The following AHCYL2 variants were observed in gnomAD, a reference collection of about 807,000 sequenced individuals.
AHCYL2 encodes adenosylhomocysteinase like 2.
In AHCYL2, 28 loss-of-function variants were observed where a neutral mutation model predicts 81.4. The observed-to-expected ratio is 0.34, with a 90% confidence interval of 0.25 to 0.47. The LOEUF is 0.47. Among genes scored for constraint, AHCYL2 ranks in the 20% least tolerant of loss-of-function variants. The pLI is 1.00. For synonymous variants in AHCYL2, 272 were observed against 290.2 expected, an observed-to-expected ratio of 0.94 and a Z score of 0.64; for missense variants, 551 against 785.1, an observed-to-expected ratio of 0.70 and a Z score of 3.56.
At chr7:129,248,620 A>ATTTTTTTTTTTTTTTTTTT in intron 1 of AHCYL2, among the ~76,000 whole-genome samples, 1 of 100,792 alleles carries the variant, frequency 9.9e-6, no homozygotes, top group South Asian at 2.9e-4. Context: ...CCTGGATACT[A>ATTTTTTTTTTTTTTTTTTT]TTTTTTTTTT....
intron 1 of AHCYL2, among the ~76,000 whole-genome samples, chr7:129,342,619 G>A (rs1397736503): frequency 1.3e-5 from 2 of 152,146 alleles, no homozygotes; most frequent in Non-Finnish European, 2.9e-5. Context: ...TGTTCTAAAC[G>A]CAGTATTATT....
chr7:129,426,962 C>T lies in AHCYL2; in HGVS notation c.1830-77C>T. The T allele has an allele frequency of 6.8e-7, 1 of 1,476,330 alleles. No homozygotes were observed. The highest frequency in any genetic ancestry group is 9.4e-7 in the Non-Finnish European group (1 of 1,058,978). The allele number at this position is 1,476,330 out of a possible 1,614,324, so 91.5% of individuals were successfully genotyped here. ...AAAAGTCTCTGCCTCCCTGTTACAC[C>T]TTTAGGCAGGCTCTTCATGTCCCAG... On this transcript the variant is annotated intron_variant, in intron 16 of 16. Transcript: ENST00000325006. This position sits in a 1 kb window ranked among gnomAD's most constrained non-coding sequence, Gnocchi z 4.3.
Position 129,321,789 on chromosome 7 carries a change from T to G in AHCYL2, c.364-57849T>G, listed in dbSNP as rs373697174. Among the ~76,000 whole-genome samples the G allele has an allele frequency of 5.3e-3, 802 of 150,004 alleles. 5 individuals are homozygous for G. The Middle Eastern group carries it at 0.058, about 11-fold the overall frequency. On this transcript the variant is annotated intron_variant, in intron 1 of 16. Transcript: ENST00000325006. ...TGGTCTTGGTTTTGTTTTTGTTTTTTTTTTCAGACGGAGTCTCACTCTGTT... is the reference window on the plus strand; with the variant it reads ...TGGTCTTGGTTTTGTTTTTGTTTTTGTTTTCAGACGGAGTCTCACTCTGTT...
chr7:129,335,201 T>C (rs577305420), intron 1 of AHCYL2, among the ~76,000 whole-genome samples: 1 of 152,016 alleles, frequency 6.6e-6, no homozygotes, highest in African/African-American at 2.4e-5. Flanking sequence ...ACTCTGTCTC[T>C]ACAAAAAATA....
At chr7:129,307,267 G>T (rs908806261) in intron 1 of AHCYL2, among the ~76,000 whole-genome samples, 1 of 152,204 alleles carries the variant, frequency 6.6e-6, no homozygotes, top group African/African-American at 2.4e-5. Flanking sequence ...ACCTTAGAAA[G>T]AAATCTACTT....
intron 6 of AHCYL2, 21 bp downstream of exon 6, chr7:129,400,405 C>A (rs1312363848): frequency 6.2e-7 from 1 of 1,609,568 alleles, no homozygotes; most frequent in Non-Finnish European, 8.5e-7. Context: ...TTTCTGCTAA[C>A]ACAATTCTGT....
Position 129,409,490 on chromosome 7 carries a change from G to A in AHCYL2, c.1310G>A (p.Arg437Gln), listed in dbSNP as rs745705126. The A allele has an allele frequency of 2.5e-6, 4 of 1,613,720 alleles. No individual in the cohort carries two copies. The highest frequency in any genetic ancestry group is 2.5e-6 in the Non-Finnish European group (3 of 1,179,814). ...TATTTCAACAGTATGGATGGATTTC[G>A]ACTGGTGAAATTAAATGAGGTCATC... is the stretch of plus-strand genomic sequence containing the variant. The part of the protein sequence containing the change: ...CALQACMDGF[R>Q]LVKLNEVIRQ... The change falls in exon 11 of 17, where the codon CGA becomes CAA. Residue 437 changes from arginine (R) to glutamine (Q), a missense_variant. Around this residue, in one of 2 missense-constraint regions of AHCYL2, gnomAD observed 316 missense variants for 543.1 expected, o/e 0.58. Coordinates refer to ENST00000325006, the MANE Select transcript of AHCYL2 (RefSeq NM_015328.4).
chr7:129,288,389 A>G (rs1164066681), intron 1 of AHCYL2, among the ~76,000 whole-genome samples: 1 of 152,088 alleles, frequency 6.6e-6, no homozygotes, highest in Non-Finnish European at 1.5e-5. Flanking sequence ...ATTGAGACAG[A>G]GTCTCGCATC....
intron 1 of AHCYL2, among the ~76,000 whole-genome samples, chr7:129,353,764 G>A (rs1404583625): frequency 6.6e-6 from 1 of 150,524 alleles, no homozygotes; most frequent in East Asian, 1.9e-4. Flanking sequence ...TGAAGCCATG[G>A]ATACAGGTAA....
At chr7:129,375,721 G>A (rs368731382) in intron 1 of AHCYL2, 5 of 1,454,658 alleles carry the variant, frequency 3.4e-6, no homozygotes, top group Non-Finnish European at 4.5e-6. Context: ...AGCTGCTTCA[G>A]GGATTCCAAG....
rs761028049 is a variant in AHCYL2 at position 129,427,018 on chromosome 7, C to T, written c.1830-21C>T. ...CCATTAGCTGATAACATCACAGTCT[C>T]ATCTTTCTTTTTCCCTCCAGGTATT... On this transcript the variant is annotated intron_variant, in intron 16 of 16. Transcript: ENST00000325006. This position sits in a 1 kb window ranked among gnomAD's most constrained non-coding sequence, Gnocchi z 5.5. 5.6e-6 allele frequency: 9 copies of T among 1,610,012 alleles called. No individual in the cohort carries two copies. The highest frequency in any genetic ancestry group is 4.0e-5 in the African/African-American group (3 of 74,816).
At chr7:129,397,366 TTTGG>T in intron 5 of AHCYL2, 42 bp downstream of exon 5, 6 of 1,536,038 alleles carry the variant, frequency 3.9e-6, no homozygotes, top group Non-Finnish European at 5.4e-6. Context: ...AGTAAGTCTA[TTTGG>T]AGACTTACTT....
intron 1 of AHCYL2, among the ~76,000 whole-genome samples, chr7:129,299,102 T>G (rs891091947): frequency 6.6e-6 from 1 of 152,068 alleles, no homozygotes; most frequent in Non-Finnish European, 1.5e-5. Flanking sequence ...TATTGTTCTT[T>G]TTTAAATTTT....
chr7:129,365,060 G>A (rs1469282960), intron 1 of AHCYL2, among the ~76,000 whole-genome samples: 6 of 152,160 alleles, frequency 3.9e-5, no homozygotes, highest in South Asian at 2.1e-4. Context: ...CTACTATATC[G>A]CAGGTATTGT....
At chr7:129,264,122 C>T (rs778530365) in intron 1 of AHCYL2, among the ~76,000 whole-genome samples, 1 of 152,168 alleles carries the variant, frequency 6.6e-6, no homozygotes, top group Non-Finnish European at 1.5e-5. Flanking sequence ...CCTGGCTTCA[C>T]ACCATTCTCC....
chr7:129,230,920 C>A (rs370858249), intron 1 of AHCYL2, among the ~76,000 whole-genome samples: 3 of 152,248 alleles, frequency 2.0e-5, no homozygotes, highest in East Asian at 3.9e-4. Flanking sequence ...ATTGCACTGA[C>A]AGTTTCTTTT....
intron 1 of AHCYL2, among the ~76,000 whole-genome samples, chr7:129,229,319 G>A (rs964832224): frequency 2.0e-5 from 3 of 152,048 alleles, no homozygotes; most frequent in African/African-American, 7.2e-5. Flanking sequence ...TGCCTGCCTC[G>A]GCCTCCCAAA....
At chr7:129,381,649 A>G (rs1036832618) in intron 2 of AHCYL2, among the ~76,000 whole-genome samples, 2 of 152,138 alleles carry the variant, frequency 1.3e-5, no homozygotes, top group African/African-American at 4.8e-5. Flanking sequence ...CTTACTATAC[A>G]TAGTTATTTA....
intron 1 of AHCYL2, among the ~76,000 whole-genome samples, chr7:129,361,463 A>G (rs1397086212): frequency 6.6e-6 from 1 of 152,214 alleles, no homozygotes; most frequent in East Asian, 1.9e-4. Flanking sequence ...ACGAAGATAA[A>G]GATCATTTTT....
Sources: allele counts gnomAD v4.1 joint callset (sites outside exome capture counted in the v4.1 genomes callset), GRCh38; gene constraint gnomAD v4.1.1; regional missense constraint gnomAD v4.1.1; non-coding constraint Gnocchi (gnomAD v3.1); transcripts MANE v1.5; gene names NCBI Gene and HGNC (gene_info 2026-07-23, HGNC 2026-07-21).